Variants in GOLIM4 observed in about 807,000 individuals in gnomAD.
GOLIM4 encodes the protein 130 kDa golgi-localized phosphoprotein.
GOLIM4 carries 71 observed loss-of-function variants against 107.4 expected under a neutral mutation model. The ratio of observed to expected loss-of-function variants is 0.66; its 90% CI spans 0.55 to 0.81. The LOEUF (loss-of-function observed/expected upper bound fraction) is 0.81, where lower values mean the gene tolerates loss of function less well. Among genes scored for constraint, GOLIM4 ranks in the 30% least tolerant of loss-of-function variants. The pLI, the probability that GOLIM4 is intolerant of heterozygous loss-of-function variation, is 0.00. For missense variants in GOLIM4, 830 were observed against 826.1 expected, an observed-to-expected ratio of 1.00 and a Z score of -0.06; for synonymous variants, 327 against 294.8, an observed-to-expected ratio of 1.11 and a Z score of -1.12.
chr3:168,021,137 C>A (rs1205650445), intron 14 of GOLIM4, among the ~76,000 whole-genome samples: 1 of 152,122 alleles, frequency 6.6e-6, no homozygotes, highest in Non-Finnish European at 1.5e-5. Context: ...TAAAACAGGT[C>A]CACTGAGAAG....
chr3:168,070,211 G>A (rs867368807), intron 1 of GOLIM4, among the ~76,000 whole-genome samples: 3 of 152,122 alleles, frequency 2.0e-5, no homozygotes, highest in African/African-American at 7.2e-5. Context: ...GGCTAACATG[G>A]TGAAACCCCA....
chr3:168,094,083 A>AT (rs1411362342), intron 1 of GOLIM4, among the ~76,000 whole-genome samples: 3 of 152,240 alleles, frequency 2.0e-5, no homozygotes, highest in African/African-American at 4.8e-5. Flanking sequence ...AGAAAGCTGC[A>AT]TAAGTATTGA....
At chr3:168,018,075 G>C (rs574821004) in intron 14 of GOLIM4, among the ~76,000 whole-genome samples, 3 of 152,260 alleles carry the variant, frequency 2.0e-5, no homozygotes, top group African/African-American at 7.2e-5. Flanking sequence ...TCACTTGAAT[G>C]CATTTCAAAA....
intron 1 of GOLIM4, among the ~76,000 whole-genome samples, 180 bp downstream of exon 1, chr3:168,094,919 T>C (rs979195191): frequency 6.6e-6 from 1 of 152,176 alleles, no homozygotes; most frequent in African/African-American, 2.4e-5. Context: ...AGCGGGAGGA[T>C]GAGAATGTCA....
Position 168,043,419 on chromosome 3 carries a change from C to T in GOLIM4, c.477G>A (p.Gln159=), listed in dbSNP as rs778917549. 6.2e-6 allele frequency: 10 copies of T among 1,609,834 alleles called. No homozygotes were observed. Among genetic ancestry groups the T allele is most frequent in the South Asian group, 2.2e-5 (2 of 89,692 alleles). ...GTTCTTGTTCTTTTTCTTGCTGGAGCTGCAAGTATTTTTGCTTATGGTCAT... is the reference window on the plus strand; with the variant it reads ...GTTCTTGTTCTTTTTCTTGCTGGAGTTGCAAGTATTTTTGCTTATGGTCAT... ...TFNDHKQKYL[Q]LQQEKEQELS... is the part of the protein sequence containing the mutation. Residue 159 remains glutamine (Q), a synonymous_variant, in exon 5 of 16, where the codon CAG becomes CAA. Transcript: ENST00000470487.
At chr3:168,060,233 G>C (rs1720187432) in intron 1 of GOLIM4, among the ~76,000 whole-genome samples, 1 of 151,984 alleles carries the variant, frequency 6.6e-6, no homozygotes, top group Non-Finnish European at 1.5e-5. Context: ...CCAGTGCAGA[G>C]ATCTGAGCAG....
Position 168,043,057 on chromosome 3 carries a change from T to C in GOLIM4, c.517+322A>G, listed in dbSNP as rs118076766. On this transcript the variant is annotated intron_variant, in intron 5 of 15. Transcript: ENST00000470487. Reference sequence around the variant, plus strand: ...AACTGAGAAGCATTATAGCATTTAGTAGGTAAGGATCAGAGATGCTATCTG... The same window carrying C: ...AACTGAGAAGCATTATAGCATTTAGCAGGTAAGGATCAGAGATGCTATCTG... 4.8e-4 allele frequency among the ~76,000 whole-genome samples: 73 copies of C among 152,328 alleles called. 1 individual carries two copies. The East Asian group carries it at 0.011, about 23-fold the overall frequency.
chr3:168,016,185 A>G (rs1717351941), intron 14 of GOLIM4, among the ~76,000 whole-genome samples: 1 of 134,688 alleles, frequency 7.4e-6, no homozygotes, highest in South Asian at 2.1e-4. Context: ...GAACTCAAAC[A>G]AATTTACAAG....
At position 168,043,426 on chromosome 3, in the gene GOLIM4, T is replaced by C; in HGVS notation, c.470A>G (p.Tyr157Cys). 6.2e-7 allele frequency: 1 copy of C among 1,611,244 alleles called. No homozygotes were observed. ...SRTFNDHKQKYLQLQQEKEQE... is the reference protein window; with the variant it reads ...SRTFNDHKQKCLQLQQEKEQE... ...TTCTTTTTCTTGCTGGAGCTGCAAG[T>C]ATTTTTGCTTATGGTCATTAAATGT... The change falls in exon 5 of 16, where the codon TAC (tyrosine) becomes TGC (cysteine). Residue 157 changes from tyrosine (Y) to cysteine (C), a missense_variant. Transcript: ENST00000470487.
At chr3:168,089,036 G>A (rs990410686) in intron 1 of GOLIM4, among the ~76,000 whole-genome samples, 24 of 152,174 alleles carry the variant, frequency 1.6e-4, no homozygotes, top group African/African-American at 5.3e-4. Context: ...TGGGCACAAC[G>A]TGTGAAATCG....
intron 1 of GOLIM4, among the ~76,000 whole-genome samples, chr3:168,060,177 G>A (rs565366503): frequency 6.6e-6 from 1 of 151,664 alleles, no homozygotes; most frequent in Non-Finnish European, 1.5e-5. Flanking sequence ...TTTAGCCTCA[G>A]CCTCCCAAGT....
chr3:168,029,644 A>G, intron 10 of GOLIM4, 136 bp downstream of exon 10: 1 of 857,756 alleles, frequency 1.2e-6, no homozygotes, highest in Non-Finnish European at 1.7e-6. Flanking sequence ...ATTTTCAAGT[A>G]GCTGTCCTGC....
In GOLIM4 at chr3:168,010,003, A is replaced by G. The variant is rs1376394827; in HGVS notation, c.*266T>C. 3.4e-6 allele frequency: 1 copy of G among 291,958 alleles called. No homozygotes were observed. The allele number at this position is 291,958 out of a possible 1,614,324, so 18.1% of individuals were successfully genotyped here. A position where few individuals can be genotyped will look rare whatever the true frequency, so the allele number is the denominator to read the frequency against. ...TGAGCTTTCCAACATCACATAATCT[A>G]TTAAAAAAATTGGGACGTGGGGGCT... On this transcript the variant is annotated 3_prime_UTR_variant, in exon 16 of 16. Coordinates refer to ENST00000470487, the MANE Select transcript of GOLIM4 (RefSeq NM_014498.5).
At chr3:168,021,154 A>C (rs967622844) in intron 14 of GOLIM4, among the ~76,000 whole-genome samples, 14 of 152,214 alleles carry the variant, frequency 9.2e-5, no homozygotes, top group African/African-American at 3.1e-4. Context: ...GAAGAGTCTG[A>C]AATGGGCTTT....
In GOLIM4 at chr3:168,014,020, G is replaced by A. The variant is rs1231262597; in HGVS notation, c.1861-3197C>T. ...CAAACACATTCAAAAGCTAGCAGAA[G>A]GCAAGAAATAACTAAAATCAGAGCA... On this transcript the variant is annotated intron_variant, in intron 14 of 15. Coordinates refer to ENST00000470487, the MANE Select transcript of GOLIM4 (RefSeq NM_014498.5). Among the ~76,000 whole-genome samples, 8 of 140,290 alleles carry A rather than the reference G, an allele frequency of 5.7e-5. No individual in the cohort carries two copies. In the East Asian group the frequency reaches 1.4e-3, roughly 24 times the overall value. 92.0% of individuals were successfully genotyped at this position (140,290 alleles called of 152,430 possible).
intron 1 of GOLIM4, among the ~76,000 whole-genome samples, chr3:168,094,877 C>T (rs965781353): frequency 1.3e-5 from 2 of 152,170 alleles, no homozygotes; most frequent in Admixed American, 6.5e-5. Flanking sequence ...GCTGGTGCTA[C>T]GAAGTTCTAA....
chr3:168,073,496 G>C (rs1720933201), intron 1 of GOLIM4, among the ~76,000 whole-genome samples: 1 of 152,038 alleles, frequency 6.6e-6, no homozygotes, highest in South Asian at 2.1e-4. Context: ...TATATTTCAG[G>C]CACTGTTTTA....
chr3:168,094,593 T>A lies in GOLIM4; in HGVS notation c.187+506A>T, dbSNP rs982738488. ...TCCTTCCATTCGACTGGGCCATGACTTTAATTAAGCTGCTGGGTCATGGCT... is the reference window on the plus strand; with the variant it reads ...TCCTTCCATTCGACTGGGCCATGACATTAATTAAGCTGCTGGGTCATGGCT... On this transcript the variant is annotated intron_variant, in intron 1 of 15. Coordinates refer to ENST00000470487, the MANE Select transcript of GOLIM4 (RefSeq NM_014498.5). Among the ~76,000 whole-genome samples, 4 of 152,360 alleles carry A rather than the reference T, an allele frequency of 2.6e-5. No homozygotes were observed. The East Asian group carries it at 7.7e-4, about 29-fold the overall frequency.
rs565060092 is a variant in GOLIM4, at chr3:168,033,998, G to GGTTA, written c.844-1150_844-1147dup. 1.3e-3 allele frequency among the ~76,000 whole-genome samples: 194 copies of GGTTA among 151,982 alleles called. 1 individual carries two copies. In the East Asian group the frequency reaches 0.014, roughly 11 times the overall value. On this transcript the variant is annotated intron_variant, in intron 8 of 15. Coordinates refer to ENST00000470487, the MANE Select transcript of GOLIM4 (RefSeq NM_014498.5). ...ACCTTCAGAAAAAAAAATCTTCTTT[G>GGTTA]GTTAGACTGCTCTCCCAAAATTGAA...
Sources: gnomAD v4.1 joint callset for allele counts (sites outside exome capture counted in the v4.1 genomes callset) on GRCh38, gnomAD v4.1.1 for gene constraint, MANE v1.5 for transcripts, NCBI Gene and HGNC (gene_info 2026-07-23, HGNC 2026-07-21) for gene names.